SPPL2A: variants seen among roughly 807,000 people sequenced by gnomAD.
The protein encoded by SPPL2A is signal peptide peptidase like 2A, also known as signal peptide peptidase-like 2A.
Under a neutral mutation model 63.8 loss-of-function variants are expected in SPPL2A, and 51 were observed. The observed-to-expected ratio is 0.80, with a 90% CI of 0.64 to 1.01. SPPL2A has a LOEUF of 1.01. Among genes scored for constraint, SPPL2A ranks in the 50% least tolerant of loss-of-function variants. The pLI, the probability that SPPL2A is intolerant of heterozygous loss-of-function variation, is 0.00. For synonymous variants in SPPL2A, 188 were observed against 205.8 expected, an observed-to-expected ratio of 0.91 and a Z score of 0.74; for missense variants, 553 against 622.7, an observed-to-expected ratio of 0.89 and a Z score of 1.19.
chr15:50,709,450 T>C (rs2062539665), intron 14 of SPPL2A, among the ~76,000 whole-genome samples: 1 of 152,196 alleles, frequency 6.6e-6, no homozygotes, highest in Non-Finnish European at 1.5e-5. Flanking sequence ...CAACGTGAGC[T>C]AAGGCTTTTG....
chr15:50,752,730 A>C (rs2062920470), intron 1 of SPPL2A, among the ~76,000 whole-genome samples: 1 of 151,590 alleles, frequency 6.6e-6, no homozygotes, highest in Admixed American at 6.6e-5. Context: ...AAAAAAAAAA[A>C]CAACCCAAAA....
chr15:50,744,427 T>C (rs1051862402), intron 5 of SPPL2A, among the ~76,000 whole-genome samples: 1 of 152,158 alleles, frequency 6.6e-6, no homozygotes, highest in Non-Finnish European at 1.5e-5. Context: ...ATCTTTTAAA[T>C]GGAAGCTATA....
At chr15:50,731,556 AAAG>A (rs2062731773) in intron 9 of SPPL2A, among the ~76,000 whole-genome samples, 1 of 151,926 alleles carries the variant, frequency 6.6e-6, no homozygotes, top group Non-Finnish European at 1.5e-5. Flanking sequence ...GGAAAAAAAA[AAAG>A]AAGAAATGTG....
chr15:50,731,028 T>A lies in SPPL2A; in HGVS notation c.1026A>T (p.Ile342=), dbSNP rs376668832. The A allele has an allele frequency of 6.8e-7, 1 of 1,468,748 alleles. No homozygotes were observed. The highest frequency in any genetic ancestry group is 9.5e-7 in the Non-Finnish European group (1 of 1,051,036). 91.0% of individuals were successfully genotyped at this position (1,468,748 alleles called of 1,614,324 possible). Residue 342 remains isoleucine (I), a synonymous_variant, in exon 10 of 15, where the codon ATA becomes ATT. Coordinates refer to ENST00000261854, the MANE Select transcript of SPPL2A (RefSeq NM_032802.4). The part of the protein sequence containing the change: ...LKLPNFKSCV[I]LLGLLLLYDV... ...CATAGAGGAGGAGAAGGCCTAGAAG[T>A]ATCACACATGACTGTCAAAGAAAGA...
intron 14 of SPPL2A, among the ~76,000 whole-genome samples, chr15:50,716,282 C>T (rs952403992): frequency 6.6e-6 from 1 of 152,176 alleles, no homozygotes; most frequent in African/African-American, 2.4e-5. Context: ...ACAACCTCCA[C>T]CTCCCAGGTT....
intron 14 of SPPL2A, among the ~76,000 whole-genome samples, chr15:50,709,562 C>T (rs950886998): frequency 3.9e-5 from 6 of 152,060 alleles, no homozygotes. Flanking sequence ...GAGGCCGATG[C>T]AGGTGGATCA....
At chr15:50,725,442 C>T in intron 11 of SPPL2A, 119 bp from the exon 12 acceptor site, 1 of 642,410 alleles carries the variant, frequency 1.6e-6, no homozygotes, top group Non-Finnish European at 2.7e-6. Flanking sequence ...TTTTTGGAGA[C>T]AGAGTCTCGC....
At chr15:50,725,127 T>C in intron 12 of SPPL2A, 94 bp downstream of exon 12, 1 of 805,546 alleles carries the variant, frequency 1.2e-6, no homozygotes, top group Non-Finnish European at 2.1e-6. Context: ...AAATAGTTAA[T>C]ACAGAGTAGG....
intron 1 of SPPL2A, among the ~76,000 whole-genome samples, chr15:50,761,635 A>G (rs2063012384): frequency 6.6e-6 from 1 of 151,868 alleles, no homozygotes; most frequent in South Asian, 2.1e-4. Context: ...ATAATAATAA[A>G]TAAAATAAAA....
At chr15:50,748,283 T>C (rs991994135) in intron 3 of SPPL2A, 81 bp from the exon 4 acceptor site, 1 of 554,308 alleles carries the variant, frequency 1.8e-6, no homozygotes, top group African/African-American at 2.0e-5. Context: ...AATATAAATA[T>C]TACGTCTTTC....
intron 8 of SPPL2A, among the ~76,000 whole-genome samples, chr15:50,734,411 C>T (rs191370398): frequency 5.3e-5 from 8 of 151,812 alleles, no homozygotes; most frequent in Admixed American, 1.3e-4. Context: ...AAGCCAAGCA[C>T]GGAAAGACAA....
chr15:50,761,414 G>A (rs974958593), intron 1 of SPPL2A, among the ~76,000 whole-genome samples: 1 of 152,080 alleles, frequency 6.6e-6, no homozygotes, highest in Non-Finnish European at 1.5e-5. Context: ...TCAGTAGTTC[G>A]AGAGTAGCCT....
At chr15:50,709,197 GA>G (rs2062537605) in intron 14 of SPPL2A, among the ~76,000 whole-genome samples, 1 of 151,966 alleles carries the variant, frequency 6.6e-6, no homozygotes, top group African/African-American at 2.4e-5. Flanking sequence ...ACTAAAAATA[GA>G]AAAAAGTATT....
chr15:50,740,793 T>C (rs2062814013), intron 5 of SPPL2A, among the ~76,000 whole-genome samples: 1 of 152,106 alleles, frequency 6.6e-6, no homozygotes, highest in Admixed American at 6.6e-5. Flanking sequence ...TGTATTTTAG[T>C]AGAGACGGGG....
chr15:50,734,505 T>C (rs188583464), intron 8 of SPPL2A, among the ~76,000 whole-genome samples: 19 of 152,242 alleles, frequency 1.2e-4, no homozygotes, highest in Admixed American at 1.2e-3. Flanking sequence ...AGTAGAATGA[T>C]GGTTACCAGA....
chr15:50,763,847 G>A (rs568660944), intron 1 of SPPL2A, among the ~76,000 whole-genome samples: 3 of 152,236 alleles, frequency 2.0e-5, no homozygotes, highest in African/African-American at 7.2e-5. Context: ...GCAGTGAGCC[G>A]AGATCGCGCC....
chr15:50,726,348 T>C lies in SPPL2A; in HGVS notation c.1119A>G (p.Ala373=). 6.2e-7 allele frequency: 1 copy of C among 1,614,144 alleles called. No homozygotes were observed. The highest frequency in any genetic ancestry group is 8.5e-7 in the Non-Finnish European group (1 of 1,179,990). The change falls in exon 11 of 15, where the codon GCA becomes GCG. Residue 373 remains alanine, a synonymous_variant. Transcript: ENST00000261854. ...TTTCATTATTTCCAAAAGGTCCAGCTGCGAGTTCAACCATGATACTCTCAC... is the reference window on the plus strand; with the variant it reads ...TTTCATTATTTCCAAAAGGTCCAGCCGCGAGTTCAACCATGATACTCTCAC... ...KNGESIMVEL[A]AGPFGNNEKL... is the part of the protein sequence containing the mutation.
chr15:50,742,016 G>T lies in SPPL2A; in HGVS notation c.585-2188C>A, dbSNP rs192827639. 1.6e-3 allele frequency among the ~76,000 whole-genome samples: 238 copies of T among 151,950 alleles called. 1 individual carries two copies. The highest frequency in any genetic ancestry group is 2.2e-3 in the Non-Finnish European group (147 of 67,958). On this transcript the variant is annotated intron_variant, in intron 5 of 14. Coordinates refer to ENST00000261854, the MANE Select transcript of SPPL2A (RefSeq NM_032802.4). ...TTCATCTTTTTTGAAAAAAAAAATTGTACTTTCATATCAGCTTGAGAGCCA... is the reference window on the plus strand; with the variant it reads ...TTCATCTTTTTTGAAAAAAAAAATTTTACTTTCATATCAGCTTGAGAGCCA...
chr15:50,754,816 C>T (rs749302361), intron 1 of SPPL2A, among the ~76,000 whole-genome samples: 3 of 152,002 alleles, frequency 2.0e-5, no homozygotes, highest in Non-Finnish European at 4.4e-5. Flanking sequence ...AACCCTGTCT[C>T]TACTAAAAAT....
Sources: gnomAD v4.1 joint callset for allele counts (sites outside exome capture counted in the v4.1 genomes callset) on GRCh38, gnomAD v4.1.1 for gene constraint, MANE v1.5 for transcripts, NCBI Gene and HGNC (gene_info 2026-07-23, HGNC 2026-07-21) for gene names.